Variants in GRM8 observed in about 807,000 individuals in gnomAD.
GRM8 encodes the protein metabotropic glutamate receptor 8.
A neutral mutation model predicts 87.2 loss-of-function variants in GRM8; 47 were observed. That is an observed-to-expected ratio of 0.54 (90% CI 0.43 to 0.69). The LOEUF (loss-of-function observed/expected upper bound fraction) is 0.69, where lower values mean the gene tolerates loss of function less well. GRM8 is among the 30% of genes least tolerant of loss of function. The pLI, the probability that GRM8 is intolerant of heterozygous loss-of-function variation, is 0.00. For synonymous variants in GRM8, 396 were observed against 404.5 expected, an observed-to-expected ratio of 0.98 and a Z score of 0.25; for missense variants, 1,019 against 1,139.2, an observed-to-expected ratio of 0.89 and a Z score of 1.52.
At chr7:126,882,206 G>A (rs568054028) in intron 6 of GRM8, among the ~76,000 whole-genome samples, 22 of 152,196 alleles carry the variant, frequency 1.4e-4, no homozygotes, top group African/African-American at 5.3e-4. Flanking sequence ...TACACAAACA[G>A]GTTTTTTTTT....
chr7:126,908,757 C>T (rs971505618), intron 3 of GRM8, among the ~76,000 whole-genome samples: 2 of 151,828 alleles, frequency 1.3e-5, no homozygotes, highest in African/African-American at 2.4e-5. Context: ...TTGCTATTCC[C>T]ACACCTCACC....
intron 2 of GRM8, among the ~76,000 whole-genome samples, chr7:127,176,605 G>A (rs1002313680): frequency 2.6e-5 from 4 of 152,200 alleles, no homozygotes; most frequent in African/African-American, 9.6e-5. Flanking sequence ...CCCTCTGAAG[G>A]AAGTGGACTG....
intron 7 of GRM8, among the ~76,000 whole-genome samples, chr7:126,616,927 A>T (rs1440643812): frequency 6.6e-6 from 1 of 152,230 alleles, no homozygotes; most frequent in Non-Finnish European, 1.5e-5. Flanking sequence ...ACGGATTCAG[A>T]GCCAAATTCT....
At chr7:126,717,931 T>A (rs1320390043) in intron 7 of GRM8, among the ~76,000 whole-genome samples, 3 of 152,122 alleles carry the variant, frequency 2.0e-5, no homozygotes, top group African/African-American at 7.2e-5. Flanking sequence ...AATGGTGATG[T>A]CTTTAATAAC....
At chr7:127,233,873 C>T (rs1797837454) in intron 2 of GRM8, among the ~76,000 whole-genome samples, 1 of 152,146 alleles carries the variant, frequency 6.6e-6, no homozygotes, top group African/African-American at 2.4e-5. Context: ...TATGCCTAGA[C>T]CCCTACACCT....
At chr7:126,941,330 T>G (rs2896388) in intron 3 of GRM8, among the ~76,000 whole-genome samples, 112,238 of 151,672 alleles carry the variant, frequency 0.74, 41,677 homozygotes, top group East Asian at 0.97. Flanking sequence ...GTTTCAGGCC[T>G]TGCGCGGTGA....
intron 3 of GRM8, among the ~76,000 whole-genome samples, chr7:127,090,616 G>T (rs1823966748): frequency 6.6e-6 from 1 of 152,178 alleles, no homozygotes. Flanking sequence ...TGTCAATCCT[G>T]CTATCATGTA....
intron 2 of GRM8, among the ~76,000 whole-genome samples, chr7:127,234,242 G>A (rs1797858133): frequency 6.6e-6 from 1 of 152,138 alleles, no homozygotes; most frequent in African/African-American, 2.4e-5. Flanking sequence ...CCCAATTAAT[G>A]TATATCTTAC....
At chr7:126,592,967 A>G (rs1334463452) in intron 8 of GRM8, among the ~76,000 whole-genome samples, 2 of 152,010 alleles carry the variant, frequency 1.3e-5, no homozygotes, top group Admixed American at 1.3e-4. Flanking sequence ...CAACATACAA[A>G]AATCAGAGAA....
At chr7:127,047,919 T>C (rs1819100000) in intron 3 of GRM8, among the ~76,000 whole-genome samples, 1 of 152,222 alleles carries the variant, frequency 6.6e-6, no homozygotes, top group Non-Finnish European at 1.5e-5. Context: ...TTTTTCAATA[T>C]GTAGTGATAA....
At chr7:126,955,679 T>C (rs1207454415) in intron 3 of GRM8, among the ~76,000 whole-genome samples, 1 of 152,196 alleles carries the variant, frequency 6.6e-6, no homozygotes, top group Admixed American at 6.5e-5. Flanking sequence ...CAAATCTATC[T>C]TCCTGTTAAC....
chr7:126,622,587 T>C (rs1461078405), intron 7 of GRM8, among the ~76,000 whole-genome samples: 2 of 152,186 alleles, frequency 1.3e-5, no homozygotes, highest in African/African-American at 4.8e-5. Context: ...ATGTCCTCCC[T>C]TGGTGCTGGG....
At chr7:127,028,209 T>C (rs1816994823) in intron 3 of GRM8, among the ~76,000 whole-genome samples, 1 of 152,230 alleles carries the variant, frequency 6.6e-6, no homozygotes, top group Non-Finnish European at 1.5e-5. Flanking sequence ...GATAAGCTCT[T>C]TGATGTGCTG....
At chr7:126,489,144 G>A (rs1390826171) in intron 9 of GRM8, among the ~76,000 whole-genome samples, 2 of 152,002 alleles carry the variant, frequency 1.3e-5, no homozygotes, top group African/African-American at 2.4e-5. Context: ...ATTTAGAGAA[G>A]CCACAAAACA....
chr7:126,926,211 G>A (rs182428697), intron 3 of GRM8, among the ~76,000 whole-genome samples: 12 of 152,118 alleles, frequency 7.9e-5, no homozygotes, highest in African/African-American at 1.9e-4. Context: ...AGTTCTGAAA[G>A]TTAATAAAAT....
chr7:127,067,884 T>C (rs1009252364), intron 3 of GRM8, among the ~76,000 whole-genome samples: 2 of 152,170 alleles, frequency 1.3e-5, no homozygotes, highest in Non-Finnish European at 2.9e-5. Context: ...CCAAGGATCA[T>C]GTAAAACTTG....
Position 126,677,662 on chromosome 7 carries a change from T to C in GRM8, c.1358-68164A>G, listed in dbSNP as rs537519488. 6.8e-4 allele frequency among the ~76,000 whole-genome samples: 103 copies of C among 152,208 alleles called. 2 individuals are homozygous for C. In the South Asian group the frequency reaches 0.013, roughly 19 times the overall value. ...GCTAAGCTATGGGTACACAAAGGCA[T>C]GCAGAATGGTATAATAGACATTGGA... On this transcript the variant is annotated intron_variant, in intron 7 of 10. Transcript: ENST00000339582.
chr7:126,540,964 G>A (rs909177469), intron 8 of GRM8, among the ~76,000 whole-genome samples: 11 of 152,240 alleles, frequency 7.2e-5, no homozygotes, highest in South Asian at 4.1e-4. Flanking sequence ...GACTATTTAA[G>A]TAGATATTTT....
intron 6 of GRM8, among the ~76,000 whole-genome samples, chr7:126,879,043 A>T (rs978137094): frequency 6.6e-6 from 1 of 151,614 alleles, no homozygotes; most frequent in Admixed American, 6.6e-5. Flanking sequence ...GGCCCCTGTA[A>T]TCTCAGCTAC....
Sources: gnomAD v4.1 joint callset for allele counts (sites outside exome capture counted in the v4.1 genomes callset) on GRCh38, gnomAD v4.1.1 for gene constraint, MANE v1.5 for transcripts, NCBI Gene and HGNC (gene_info 2026-07-23, HGNC 2026-07-21) for gene names.